ACACA: variants seen among roughly 807,000 people sequenced by gnomAD.
ACACA encodes the protein acetyl-CoA carboxylase 1.
Under a neutral mutation model 296.1 loss-of-function variants are expected in ACACA, and 103 were observed. The observed-to-expected ratio is 0.35, with a 90% CI of 0.30 to 0.41. The LOEUF is 0.41. ACACA is among the 10% of genes least tolerant of loss of function. The probability of loss-of-function intolerance (pLI) is 1.00; values close to 1 mark genes in which losing one functional copy is unlikely to be tolerated. For missense variants in ACACA, 1,554 were observed against 2,989.7 expected (o/e 0.52, Z 11.20); for synonymous variants, 953 against 1,038.6 (o/e 0.92, Z 1.58).
At chr17:37,280,066 G>T (rs537835199) in intron 5 of ACACA, among the ~76,000 whole-genome samples, 58 of 152,120 alleles carry the variant, frequency 3.8e-4, no homozygotes, top group African/African-American at 1.3e-3. Flanking sequence ...GGGTCAAAAG[G>T]TATTCACATT....
At chr17:37,140,822 T>TA (rs2075541066) in intron 45 of ACACA, 1 of 222,814 alleles carries the variant, frequency 4.5e-6, no homozygotes, top group Non-Finnish European at 8.9e-6. Context: ...GGCTGAGGTG[T>TA]AGCAGTCATC....
At chr17:37,100,630 CAAA>C (rs35888166) in intron 52 of ACACA, among the ~76,000 whole-genome samples, 3 of 105,418 alleles carry the variant, frequency 2.8e-5, no homozygotes, top group Non-Finnish European at 6.2e-5. Context: ...GACCGCCCCT[CAAA>C]AAAAAAAAAA....
chr17:37,103,123 C>A (rs1382280292), intron 52 of ACACA, among the ~76,000 whole-genome samples: 1 of 152,182 alleles, frequency 6.6e-6, no homozygotes, highest in African/African-American at 2.4e-5. Context: ...CCAGTTATAT[C>A]ATGTGTTGCA....
At chr17:37,205,912 G>A (rs1459863154) in intron 32 of ACACA, 40 bp from the exon 33 acceptor site, 2 of 1,424,768 alleles carry the variant, frequency 1.4e-6, no homozygotes, top group South Asian at 2.3e-5. Context: ...TTATGAGGCT[G>A]GCCAATACAG....
chr17:37,201,317 T>C (rs1051667670), intron 33 of ACACA, among the ~76,000 whole-genome samples: 3 of 152,070 alleles, frequency 2.0e-5, no homozygotes, highest in African/African-American at 7.2e-5. Flanking sequence ...GGCACATTCC[T>C]GTAATCCCAG....
chr17:37,359,246 G>T, intron 1 of ACACA: 1 of 687,176 alleles, frequency 1.5e-6, no homozygotes. Context: ...GTTCACCTCC[G>T]ACCCCGCTCC....
At chr17:37,198,060 T>C (rs1025132081) in intron 35 of ACACA, among the ~76,000 whole-genome samples, 3 of 152,296 alleles carry the variant, frequency 2.0e-5, no homozygotes, top group African/African-American at 7.2e-5. Flanking sequence ...GATCCAGAAA[T>C]ATCAGGACAG....
In ACACA at chr17:37,182,352, CAT is replaced by C. The variant is rs113554103; in HGVS notation, c.4777-998_4777-997del. 4.7e-4 allele frequency among the ~76,000 whole-genome samples: 70 copies of C among 149,356 alleles called. No homozygotes were observed. In the East Asian group the frequency reaches 5.5e-3, roughly 12 times the overall value. ...ATATTAAATTATGTATATTAAAAAA[CAT>C]ATATATATATATACATGTATTTACT... is the stretch of plus-strand genomic sequence containing the variant. On this transcript the variant is annotated intron_variant, in intron 39 of 55. Coordinates refer to ENST00000616317, the MANE Select transcript of ACACA (RefSeq NM_198834.3).
chr17:37,332,218 T>C (rs1487344963), intron 2 of ACACA, among the ~76,000 whole-genome samples: 1 of 147,786 alleles, frequency 6.8e-6, no homozygotes, highest in African/African-American at 2.5e-5. Flanking sequence ...AAAAGTATAA[T>C]TTAAAAAAAA....
intron 29 of ACACA, among the ~76,000 whole-genome samples, chr17:37,219,054 A>T (rs972288255): frequency 2.0e-5 from 3 of 152,118 alleles, no homozygotes; most frequent in Admixed American, 6.5e-5. Context: ...TCAGGAGGGG[A>T]GCTGGTCACT....
Position 37,210,630 on chromosome 17 carries a change from T to C in ACACA, c.3684-140A>G, listed in dbSNP as rs188253856. The C allele has an allele frequency of 6.4e-3, 4,870 of 762,898 alleles. 23 individuals carry two copies. Among genetic ancestry groups the C allele is most frequent in the Non-Finnish European group, 9.3e-3 (4,034 of 432,976 alleles). 47.3% of individuals were successfully genotyped at this position (762,898 alleles called of 1,614,324 possible). A position where few individuals can be genotyped will look rare whatever the true frequency, so the allele number is the denominator to read the frequency against. On this transcript the variant is annotated intron_variant, in intron 29 of 55. Coordinates refer to ENST00000616317, the MANE Select transcript of ACACA (RefSeq NM_198834.3). Reference sequence around the variant, plus strand: ...TTCAGCAGACATAATTAAGTGCTCATTACCCTTCAACCCCCAGGATACCTC... The same window carrying C: ...TTCAGCAGACATAATTAAGTGCTCACTACCCTTCAACCCCCAGGATACCTC...
intron 29 of ACACA, among the ~76,000 whole-genome samples, chr17:37,212,834 A>C (rs1166802908): frequency 6.6e-6 from 1 of 151,704 alleles, no homozygotes; most frequent in Non-Finnish European, 1.5e-5. Flanking sequence ...TGGTCAATTT[A>C]AGAATATGAC....
Position 37,087,224 on chromosome 17 carries a change from C to T in ACACA, c.*92G>A. 3.2e-6 allele frequency: 5 copies of T among 1,566,906 alleles called. No homozygotes were observed. Among genetic ancestry groups the T allele is most frequent in the Non-Finnish European group, 4.4e-6 (5 of 1,140,230 alleles). ...GCCATTTGACTCCAGTGCTGGGTCT[C>T]CTGTGCCTTCTCATTACAGTGGTTA... is the stretch of plus-strand genomic sequence containing the variant. On this transcript the variant is annotated 3_prime_UTR_variant, in exon 56 of 56. Transcript: ENST00000616317.
intron 1 of ACACA, among the ~76,000 whole-genome samples, chr17:37,361,341 G>C (rs1165736678): frequency 6.6e-6 from 1 of 152,050 alleles, no homozygotes; most frequent in Non-Finnish European, 1.5e-5. Context: ...AGTCTCCCCA[G>C]GATTCTTAAT....
chr17:37,288,097 A>G (rs999328732), intron 3 of ACACA, among the ~76,000 whole-genome samples: 1 of 152,194 alleles, frequency 6.6e-6, no homozygotes, highest in Non-Finnish European at 1.5e-5. Flanking sequence ...TGGTCATTTC[A>G]ATGTTCTTCC....
At chr17:37,220,749 C>T (rs1262169571) in intron 29 of ACACA, among the ~76,000 whole-genome samples, 1 of 152,196 alleles carries the variant, frequency 6.6e-6, no homozygotes, top group African/African-American at 2.4e-5. Context: ...TCAACAGTGG[C>T]ATCCAGTGGC....
At chr17:37,392,897 C>T (rs772416545) in intron 1 of ACACA, among the ~76,000 whole-genome samples, 9 of 152,074 alleles carry the variant, frequency 5.9e-5, no homozygotes, top group Non-Finnish European at 1.3e-4. Flanking sequence ...AATCCCAGCA[C>T]TTTGGGAGGC....
At chr17:37,260,278 ATATATATATATATATATATTTTTTTTTT>A (rs2081418052) in intron 11 of ACACA, among the ~76,000 whole-genome samples, 1 of 31,200 alleles carries the variant, frequency 3.2e-5, no homozygotes, top group African/African-American at 1.8e-4. Context: ...ATATATATAT[ATATATATATATATATATATTTTTTTTTT>A]TTTTTTTTTT....
At chr17:37,142,012 G>GTT (rs1044306210) in intron 45 of ACACA, among the ~76,000 whole-genome samples, 2 of 130,226 alleles carry the variant, frequency 1.5e-5, no homozygotes, top group African/African-American at 2.8e-5. Context: ...GTTTTTTTTT[G>GTT]TTTTTTTTTT....
Sources: gnomAD v4.1 joint callset for allele counts (sites outside exome capture counted in the v4.1 genomes callset) on GRCh38, gnomAD v4.1.1 for gene constraint, MANE v1.5 for transcripts, NCBI Gene and HGNC (gene_info 2026-07-23, HGNC 2026-07-21) for gene names.